Variants in POMT1 observed in about 807,000 individuals in gnomAD.
POMT1 encodes protein O-mannosyltransferase 1, also known as protein O-mannosyl-transferase 1.
A neutral mutation model predicts 101.6 loss-of-function variants in POMT1; 85 were observed. The ratio of observed to expected loss-of-function variants is 0.84; its 90% CI spans 0.70 to 1.00. The LOEUF (loss-of-function observed/expected upper bound fraction) is 1.00, where lower values mean the gene tolerates loss of function less well. POMT1 is among the 50% of genes least tolerant of loss of function. The probability of loss-of-function intolerance (pLI) is 0.00; values close to 1 mark genes in which losing one functional copy is unlikely to be tolerated. For missense variants in POMT1, 857 were observed against 930.4 expected, an observed-to-expected ratio of 0.92 and a Z score of 1.03; for synonymous variants, 371 against 383.0, an observed-to-expected ratio of 0.97 and a Z score of 0.37.
intron 14 of POMT1, 139 bp downstream of exon 14, chr9:131,518,676 G>A: frequency 7.1e-7 from 1 of 1,411,458 alleles, no homozygotes; most frequent in South Asian, 1.2e-5. Flanking sequence ...ACTGAGGGAG[G>A]GCGGCTTTTG....
In POMT1 at chr9:131,509,777, C is replaced by A; in HGVS notation, c.574C>A (p.Leu192Met). 1 of 1,614,258 alleles carries A rather than the reference C, an allele frequency of 6.2e-7. No homozygotes were observed. The highest frequency in any genetic ancestry group is 2.2e-5 in the East Asian group (1 of 44,894). Residue 192 changes from leucine to methionine, a missense_variant, in exon 7 of 20, where the codon CTG (leucine) becomes ATG (methionine). Transcript: ENST00000402686. ...TCTGAGCTGGTGGTTCTGGCTAACA[C>A]TGACAGGGGTCGCTTGTTCCTGTGC... is the stretch of plus-strand genomic sequence containing the variant. ...FSLSWWFWLT[L>M]TGVACSCAVG...
rs1432728385 is a variant in POMT1 at position 131,506,403 on chromosome 9, G to C, written c.230G>C (p.Gly77Ala). 1 of 1,612,578 alleles carries C rather than the reference G, an allele frequency of 6.2e-7. No individual in the cohort carries two copies. Among genetic ancestry groups the C allele is most frequent in the East Asian group, 2.2e-5 (1 of 44,870 alleles). Residue 77 changes from glycine (G) to alanine (A), a missense_variant and splice_region_variant, in exon 4 of 20, where the codon GGT becomes GCT. Physicochemically the swap from Gly to Ala is moderately conservative, Grantham distance 60 (BLOSUM62 0). Coordinates refer to ENST00000402686, the MANE Select transcript of POMT1 (RefSeq NM_001077365.2). ...GTTACTGATTAATCTTCTGTTTCAG[G>C]TTATTTAGGAGGATTCGATGGCAAT... The part of the protein sequence containing the change: ...PFGHMVLALG[G>A]YLGGFDGNFL...
At position 131,513,028 on chromosome 9, in the gene POMT1, G is replaced by A. The variant is rs139840242; in HGVS notation, c.1083-211G>A. On this transcript the variant is annotated intron_variant, in intron 11 of 19. Coordinates refer to ENST00000402686, the MANE Select transcript of POMT1 (RefSeq NM_001077365.2). ...AGAGCAATGCAGGTGTGATGACCGC[G>A]GGTAGAATCACATTCGGAAAATGAC... Among the ~76,000 whole-genome samples the A allele has an allele frequency of 1.8e-3, 270 of 152,362 alleles. 2 individuals carry two copies. Among genetic ancestry groups the A allele is most frequent in the African/African-American group, 6.0e-3 (251 of 41,580 alleles).
chr9:131,518,974 G>A lies in POMT1; in HGVS notation c.1486+17G>A. 1 of 1,612,966 alleles carries A rather than the reference G, an allele frequency of 6.2e-7. No individual in the cohort carries two copies. The highest frequency in any genetic ancestry group is 8.5e-7 in the Non-Finnish European group (1 of 1,179,998). ...ACGGCGCGAGTGAGTCCGCGGCGTG[G>A]CTTCCGCCGCTCCTGGAATGTACTT... On this transcript the variant is annotated intron_variant, in intron 15 of 19. Transcript: ENST00000402686.
chr9:131,519,947 G>A lies in POMT1; in HGVS notation c.1585-133G>A, dbSNP rs1431429871. On this transcript the variant is annotated intron_variant, in intron 16 of 19. Transcript: ENST00000402686. This position sits in a 1 kb window ranked among gnomAD's most constrained non-coding sequence, Gnocchi z 4.3. ...TCCAGGTTCTCATCATGCTGCCTCC[G>A]ATGCATGATCCGAATGAACTTGAGC... 3 of 736,928 alleles carry A rather than the reference G, an allele frequency of 4.1e-6. No individual in the cohort carries two copies. In the Admixed American group the frequency reaches 6.0e-5, roughly 15 times the overall value. The allele number at this position is 736,928 out of a possible 1,614,324, so 45.6% of individuals were successfully genotyped here.
At chr9:131,504,970 A>T (rs1483323836) in intron 2 of POMT1, among the ~76,000 whole-genome samples, 2 of 151,642 alleles carry the variant, frequency 1.3e-5, no homozygotes, top group East Asian at 1.9e-4. Flanking sequence ...TAGAGACGGG[A>T]TTTCACCATC....
Position 131,506,487 on chromosome 9 carries a change from C to T in POMT1, c.280+34C>T, listed in dbSNP as rs144305611. 3.0e-4 allele frequency: 478 copies of T among 1,573,082 alleles called. 1 individual carries two copies. The highest frequency in any genetic ancestry group is 2.4e-3 in the African/African-American group (178 of 74,016). Reference sequence around the variant, plus strand: ...TAATTTTCATTTCCCTTTTAATGTGCGCAGGTTAGAATGAAGAGATTGTGA... The same window carrying T: ...TAATTTTCATTTCCCTTTTAATGTGTGCAGGTTAGAATGAAGAGATTGTGA... On this transcript the variant is annotated intron_variant, in intron 4 of 19. Transcript: ENST00000402686.
intron 13 of POMT1, 69 bp downstream of exon 13, chr9:131,515,591 C>A: frequency 6.9e-7 from 1 of 1,453,986 alleles, no homozygotes; most frequent in Non-Finnish European, 9.6e-7. Flanking sequence ...GGAGCACTTC[C>A]TCACCCGGAG....
Position 131,522,244 on chromosome 9 carries a change from A to G in POMT1, c.2003+20A>G, listed in dbSNP as rs745863130. ...GTGCAGGTACGGGGGCTGCGGAGAC[A>G]GTGGCTGGACCGGGCAGCAGCCCTC... On this transcript the variant is annotated intron_variant, in intron 19 of 19. Transcript: ENST00000402686. This position sits in a 1 kb window ranked among gnomAD's most constrained non-coding sequence, Gnocchi z 5.5. 32 of 1,611,894 alleles carry G rather than the reference A, an allele frequency of 2.0e-5. No individual in the cohort carries two copies. The East Asian group carries it at 6.7e-4, about 34-fold the overall frequency.
Position 131,519,098 on chromosome 9 carries a change from T to C in POMT1, c.1486+141T>C. On this transcript the variant is annotated intron_variant, in intron 15 of 19. Transcript: ENST00000402686. This position sits in a 1 kb window ranked among gnomAD's most constrained non-coding sequence, Gnocchi z 4.3. Reference sequence around the variant, plus strand: ...CTCGGTGGCAGGTCATCTCCCTCCCTGCACCCTGCACTCAGCTGCTGCAGT... The same window carrying C: ...CTCGGTGGCAGGTCATCTCCCTCCCCGCACCCTGCACTCAGCTGCTGCAGT... 7.6e-7 allele frequency: 1 copy of C among 1,321,930 alleles called. No homozygotes were observed. Among genetic ancestry groups the C allele is most frequent in the Non-Finnish European group, 1.1e-6 (1 of 952,322 alleles). 81.9% of individuals were successfully genotyped at this position (1,321,930 alleles called of 1,614,324 possible). A position where few individuals can be genotyped will look rare whatever the true frequency, so the allele number is the denominator to read the frequency against.
At chr9:131,518,651 A>G (rs1949254192) in intron 14 of POMT1, 114 bp downstream of exon 14, 3 of 1,389,842 alleles carry the variant, frequency 2.2e-6, no homozygotes, top group Non-Finnish European at 3.1e-6. Context: ...TTGAGTCATC[A>G]TGGCTTCCTC....
At chr9:131,516,242 G>A (rs970350751) in intron 13 of POMT1, among the ~76,000 whole-genome samples, 4 of 136,092 alleles carry the variant, frequency 2.9e-5, no homozygotes, top group East Asian at 2.2e-4. Flanking sequence ...TTCCTCACAC[G>A]GAACACTTCC....
In POMT1 at chr9:131,522,863, C is replaced by CAA; in HGVS notation, c.2004-68_2004-67dup. On this transcript the variant is annotated intron_variant, in intron 19 of 19. Transcript: ENST00000402686. This position sits in a 1 kb window ranked among gnomAD's most constrained non-coding sequence, Gnocchi z 5.5. ...GGGTGACCGTGTGGACAGCAGATGCCAAGAGGGTGCCGGGCAGGGAAGCCG... is the reference window on the plus strand; with the variant it reads ...GGGTGACCGTGTGGACAGCAGATGCCAAAAGAGGGTGCCGGGCAGGGAAGCCG... The CAA allele has an allele frequency of 6.8e-7, 1 of 1,480,488 alleles. No homozygotes were observed. The highest frequency in any genetic ancestry group is 1.2e-5 in the South Asian group (1 of 83,018). The allele number at this position is 1,480,488 out of a possible 1,614,324, so 91.7% of individuals were successfully genotyped here. A position where few individuals can be genotyped will look rare whatever the true frequency, so the allele number is the denominator to read the frequency against.
At chr9:131,516,410 A>C in intron 13 of POMT1, 1 of 169,170 alleles carries the variant, frequency 5.9e-6, no homozygotes, top group Non-Finnish European at 1.3e-5. Flanking sequence ...ACTTCCTCAC[A>C]GGGAGCACTC....
chr9:131,513,018 T>G (rs956381879), intron 11 of POMT1, among the ~76,000 whole-genome samples: 2 of 152,206 alleles, frequency 1.3e-5, no homozygotes, highest in African/African-American at 4.8e-5. Context: ...AATGCAGGTG[T>G]GATGACCGCG....
intron 13 of POMT1, among the ~76,000 whole-genome samples, chr9:131,516,322 C>T (rs1285003511): frequency 2.0e-5 from 3 of 150,974 alleles, no homozygotes. Flanking sequence ...AGCACTTCCT[C>T]ACACGGAACA....
intron 9 of POMT1, chr9:131,511,062 C>T (rs1206727198): frequency 5.0e-6 from 2 of 400,056 alleles, no homozygotes; most frequent in East Asian, 4.7e-5. Flanking sequence ...ATCATCATTG[C>T]TCTTACCTCA....
At position 131,522,227 on chromosome 9, in the gene POMT1, A is replaced by G; in HGVS notation, c.2003+3A>G. The G allele has an allele frequency of 6.2e-7, 1 of 1,613,476 alleles. No individual in the cohort carries two copies. The highest frequency in any genetic ancestry group is 8.5e-7 in the Non-Finnish European group (1 of 1,180,022). The stretch of plus-strand genomic sequence containing the variant: ...CACATCAGCGACCACCTGTGCAGGT[A>G]CGGGGGCTGCGGAGACAGTGGCTGG... On this transcript the variant is annotated splice_donor_region_variant and intron_variant, in intron 19 of 19. Transcript: ENST00000402686. This position sits in a 1 kb window ranked among gnomAD's most constrained non-coding sequence, Gnocchi z 5.5.
rs139935499 is a variant in POMT1 at position 131,515,765 on chromosome 9, CTAACATGGAGCACTTCCTG to C, written c.1272+249_1272+267del. Reference sequence around the variant, plus strand: ...CACTTCCTCACACGGAGCACTTCCTCTAACATGGAGCACTTCCTGTAACACAGGACACTTCCTCACACGG... The same window carrying C: ...CACTTCCTCACACGGAGCACTTCCTCTAACACAGGACACTTCCTCACACGG... On this transcript the variant is annotated intron_variant, in intron 13 of 19. Coordinates refer to ENST00000402686, the MANE Select transcript of POMT1 (RefSeq NM_001077365.2). Among the ~76,000 whole-genome samples the C allele has an allele frequency of 0.029, 806 of 27,472 alleles. 46 individuals carry two copies. The highest frequency in any genetic ancestry group is 0.036 in the Middle Eastern group (1 of 28). 18.0% of individuals were successfully genotyped at this position (27,472 alleles called of 152,430 possible). A position where few individuals can be genotyped will look rare whatever the true frequency, so the allele number is the denominator to read the frequency against.
Sources: gnomAD v4.1 joint callset for allele counts (sites outside exome capture counted in the v4.1 genomes callset) on GRCh38, gnomAD v4.1.1 for gene constraint, Gnocchi (gnomAD v3.1) non-coding constraint, MANE v1.5 for transcripts, NCBI Gene and HGNC (gene_info 2026-07-23, HGNC 2026-07-21) for gene names.